The following EIF3L variants were observed in gnomAD, a reference collection of about 807,000 sequenced individuals.
EIF3L encodes the protein eukaryotic translation initiation factor 3 subunit L.
In EIF3L, 32 loss-of-function variants were observed where a neutral mutation model predicts 74.6. The observed-to-expected ratio is 0.43, with a 90% CI of 0.32 to 0.58. The LOEUF (loss-of-function observed/expected upper bound fraction) is 0.58, where lower values mean the gene tolerates loss of function less well. Among genes scored for constraint, EIF3L ranks in the 20% least tolerant of loss-of-function variants. The pLI is 0.06. For missense variants in EIF3L, 474 were observed against 707.8 expected, an observed-to-expected ratio of 0.67 and a Z score of 3.75; for synonymous variants, 256 against 254.4, an observed-to-expected ratio of 1.01 and a Z score of -0.06.
chr22:37,887,672 A>G (rs1927392930), intron 12 of EIF3L: 1 of 152,306 alleles, frequency 6.6e-6, no homozygotes. Flanking sequence ...AGCCTTCTCC[A>G]GAGCATCTCT....
chr22:37,858,219 C>CTTT (rs549425262), intron 4 of EIF3L, among the ~76,000 whole-genome samples: 3,029 of 85,064 alleles, frequency 0.036, 152 homozygotes, highest in Middle Eastern at 0.087. Context: ...TTCTTTCTTC[C>CTTT]TTTTTTTTTT....
At position 37,875,846 on chromosome 22, in the gene EIF3L, G is replaced by A. The variant is rs745840459; in HGVS notation, c.912G>A (p.Met304Ile). 1.9e-6 allele frequency: 3 copies of A among 1,613,492 alleles called. No individual in the cohort carries two copies. Among genetic ancestry groups the A allele is most frequent in the East Asian group, 2.2e-5 (1 of 44,856 alleles). Reference protein sequence around the residue: ...LENIELNKKSMYSRVPECQVT... With the variant: ...LENIELNKKSIYSRVPECQVT... ...TGTTCTACCTCCTTCTACAGAGTAT[G>A]TATTCCCGTGTGCCAGAGTGCCAGG... Residue 304 changes from methionine to isoleucine, a missense_variant, in exon 10 of 13, where the codon ATG becomes ATA. Met to Ile is a conservative substitution (Grantham distance 10, BLOSUM62 1). This residue lies in a region of EIF3L where 293 missense variants were observed against 469.1 expected (regional missense o/e 0.62). Transcript: ENST00000652021.
rs771550369 is a variant in EIF3L, at chr22:37,870,321, G to A, written c.725G>A (p.Arg242Gln). 7 of 1,611,972 alleles carry A rather than the reference G, an allele frequency of 4.3e-6. No homozygotes were observed. The highest frequency in any genetic ancestry group is 4.5e-5 in the East Asian group (2 of 44,854). Residue 242 changes from arginine (R) to glutamine (Q), a missense_variant, in exon 8 of 13, where the codon CGA (arginine) becomes CAA (glutamine). Physicochemically the swap from Arg to Gln is conservative, Grantham distance 43. Around this residue, in one of 4 missense-constraint regions of EIF3L, gnomAD observed 293 missense variants for 469.1 expected, o/e 0.62. Coordinates refer to ENST00000652021, the MANE Select transcript of EIF3L (RefSeq NM_016091.4). Reference sequence around the variant, plus strand: ...CTGGTAGACAAATCCAACATCAACCGACAGTTGGAGGTATACACAAGCGGA... The same window carrying A: ...CTGGTAGACAAATCCAACATCAACCAACAGTTGGAGGTATACACAAGCGGA... ...HSLVDKSNIN[R>Q]QLEVYTSGGD...
At chr22:37,874,193 A>G (rs867366434) in intron 8 of EIF3L, among the ~76,000 whole-genome samples, 177 bp from the exon 9 acceptor site, 1 of 152,190 alleles carries the variant, frequency 6.6e-6, no homozygotes, top group Admixed American at 6.5e-5. Context: ...TAAATCGAAG[A>G]TTAGCATAAG....
At chr22:37,852,451 G>A (rs1417313693) in intron 3 of EIF3L, among the ~76,000 whole-genome samples, 2 of 152,138 alleles carry the variant, frequency 1.3e-5, no homozygotes, top group Non-Finnish European at 2.9e-5. Context: ...GGTTTTGAGG[G>A]GCTGCCGTTG....
At chr22:37,864,339 T>A (rs1402574774) in intron 7 of EIF3L, among the ~76,000 whole-genome samples, 1 of 152,076 alleles carries the variant, frequency 6.6e-6, no homozygotes, top group East Asian at 1.9e-4. Flanking sequence ...TGCCTAGCCA[T>A]CTATATCTTG....
At chr22:37,870,991 G>A (rs1926439302) in intron 8 of EIF3L, among the ~76,000 whole-genome samples, 1 of 152,024 alleles carries the variant, frequency 6.6e-6, no homozygotes, top group African/African-American at 2.4e-5. Context: ...GAGCATGGTG[G>A]GTGGGGTGCC....
intron 5 of EIF3L, among the ~76,000 whole-genome samples, chr22:37,860,447 T>TGGGCTCAAGCAATTCTCC (rs1229319532): frequency 2.0e-5 from 3 of 152,328 alleles, no homozygotes; most frequent in Admixed American, 1.3e-4. Context: ...CTCTGTCTCC[T>TGGGCTCAAGCAATTCTCC]GGGCTCAAGC....
At chr22:37,888,167 C>G in intron 12 of EIF3L, 2 of 406,600 alleles carry the variant, frequency 4.9e-6, no homozygotes. Context: ...AGTCTGAATC[C>G]TTTTTCTGTC....
chr22:37,888,604 A>T lies in EIF3L; in HGVS notation c.*140A>T, dbSNP rs933698939. On this transcript the variant is annotated 3_prime_UTR_variant, in exon 13 of 13. Coordinates refer to ENST00000652021, the MANE Select transcript of EIF3L (RefSeq NM_016091.4). The stretch of plus-strand genomic sequence containing the variant: ...TTAAGGACCGAAGTGTTTCAAGTGG[A>T]TCTCAGTAAAGGATCTTTGGAGCCA... 1.4e-5 allele frequency: 12 copies of T among 838,940 alleles called. No individual in the cohort carries two copies. Among genetic ancestry groups the T allele is most frequent in the Non-Finnish European group, 2.3e-5 (12 of 517,238 alleles). 52.0% of individuals were successfully genotyped at this position (838,940 alleles called of 1,614,324 possible).
intron 11 of EIF3L, 157 bp downstream of exon 11, chr22:37,878,328 A>G: frequency 5.5e-6 from 5 of 904,066 alleles, no homozygotes; most frequent in Non-Finnish European, 8.0e-6. Context: ...CAGTAATACT[A>G]GTACTTTAGG....
intron 5 of EIF3L, among the ~76,000 whole-genome samples, chr22:37,860,655 G>A (rs1226183873): frequency 6.6e-6 from 1 of 152,180 alleles, no homozygotes. Context: ...TTACAGGCGT[G>A]AGCCACTGTG....
chr22:37,849,886 C>T (rs1219072313), intron 1 of EIF3L, 129 bp from the exon 2 acceptor site: 4 of 996,072 alleles, frequency 4.0e-6, no homozygotes, highest in South Asian at 2.7e-5. Flanking sequence ...GTGTGAGTTC[C>T]TCAAAGGCAG....
intron 11 of EIF3L, chr22:37,886,003 AC>A (rs1189746708): frequency 6.6e-6 from 1 of 151,752 alleles, no homozygotes; most frequent in African/African-American, 2.4e-5. Context: ...ATCCTGGCTA[AC>A]ATGGTGAAAC....
At chr22:37,851,189 C>T (rs950622170) in intron 2 of EIF3L, 91 bp from the exon 3 acceptor site, 46 of 1,037,564 alleles carry the variant, frequency 4.4e-5, no homozygotes, top group Admixed American at 3.8e-4. Flanking sequence ...TTACGCAGAC[C>T]TGAGTTTAGT....
intron 8 of EIF3L, among the ~76,000 whole-genome samples, chr22:37,872,434 T>TC (rs1233078911): frequency 6.6e-6 from 1 of 152,162 alleles, no homozygotes; most frequent in Admixed American, 6.6e-5. Context: ...ATGTGTGATT[T>TC]CTAAAAAAAT....
chr22:37,861,411 C>T (rs1320895838), intron 5 of EIF3L, among the ~76,000 whole-genome samples: 4 of 152,308 alleles, frequency 2.6e-5, no homozygotes, highest in East Asian at 3.9e-4. Context: ...CCTGGCCAGG[C>T]GCTGTGGCTT....
chr22:37,855,313 A>G (rs1925441798), intron 3 of EIF3L, among the ~76,000 whole-genome samples: 1 of 152,226 alleles, frequency 6.6e-6, no homozygotes, highest in Admixed American at 6.5e-5. Flanking sequence ...ATAGTTAATG[A>G]TACAGAGGCA....
rs569324496 is a variant in EIF3L, at chr22:37,858,929, A to AT, written c.435+190dup. Among the ~76,000 whole-genome samples the AT allele has an allele frequency of 3.1e-3, 468 of 152,140 alleles. 3 individuals are homozygous for AT. The highest frequency in any genetic ancestry group is 0.011 in the African/African-American group (447 of 41,528). On this transcript the variant is annotated intron_variant, in intron 5 of 12. Coordinates refer to ENST00000652021, the MANE Select transcript of EIF3L (RefSeq NM_016091.4). ...AAAGCTGTTCAGACACACTAACGCT[A>AT]TATAACCTATGCATTCTTTTAAATT...
Sources: allele counts gnomAD v4.1 joint callset (sites outside exome capture counted in the v4.1 genomes callset), GRCh38; gene constraint gnomAD v4.1.1; regional missense constraint gnomAD v4.1.1; transcripts MANE v1.5; gene names NCBI Gene and HGNC (gene_info 2026-07-23, HGNC 2026-07-21).